The following GSG1L variants were observed in gnomAD, a reference collection of about 807,000 sequenced individuals.
GSG1L encodes germ cell-specific gene 1-like protein.
GSG1L carries 24 observed loss-of-function variants against 42.1 expected under a neutral mutation model. The observed-to-expected ratio is 0.57, with a 90% CI of 0.41 to 0.80. GSG1L has a LOEUF of 0.80. Among genes scored for constraint, GSG1L ranks in the 30% least tolerant of loss-of-function variants. The pLI is 0.00. For synonymous variants in GSG1L, 215 were observed against 203.5 expected, an observed-to-expected ratio of 1.06 and a Z score of -0.48; for missense variants, 445 against 472.2, an observed-to-expected ratio of 0.94 and a Z score of 0.53.
chr16:27,844,848 T>TGC, intron 4 of GSG1L, 102 bp downstream of exon 4: 3 of 135,614 alleles, frequency 2.2e-5, no homozygotes, highest in Non-Finnish European at 3.2e-5. Flanking sequence ...CCATTTCTCC[T>TGC]CCCCCCCACC....
intron 2 of GSG1L, among the ~76,000 whole-genome samples, chr16:27,890,917 C>T (rs1481950795): frequency 2.0e-5 from 3 of 152,192 alleles, no homozygotes; most frequent in Non-Finnish European, 2.9e-5. Context: ...TGGCAGGGGG[C>T]TGTGGAAGTG....
chr16:27,839,876 T>C (rs1644620), intron 4 of GSG1L, among the ~76,000 whole-genome samples: 51,768 of 152,164 alleles, frequency 0.34, 9,077 homozygotes, highest in East Asian at 0.45. Context: ...CAGTTCACAG[T>C]ATCCAAGGCT....
At chr16:27,914,736 G>A (rs1176892638) in intron 2 of GSG1L, among the ~76,000 whole-genome samples, 2 of 152,038 alleles carry the variant, frequency 1.3e-5, no homozygotes, top group African/African-American at 2.4e-5. Flanking sequence ...AGCCTAGCAT[G>A]TAAGTTGCAT....
intron 2 of GSG1L, among the ~76,000 whole-genome samples, chr16:27,929,911 C>T (rs2084637232): frequency 6.6e-6 from 1 of 152,120 alleles, no homozygotes; most frequent in African/African-American, 2.4e-5. Context: ...CTCCTGCCAG[C>T]ATGGGTCTCC....
At chr16:28,041,851 C>A (rs1162475016) in intron 1 of GSG1L, among the ~76,000 whole-genome samples, 1 of 152,222 alleles carries the variant, frequency 6.6e-6, no homozygotes, top group Non-Finnish European at 1.5e-5. Flanking sequence ...CAGCCTCGTG[C>A]CCTCGCTGGG....
intron 2 of GSG1L, among the ~76,000 whole-genome samples, chr16:27,916,822 A>G (rs559784766): frequency 1.3e-5 from 2 of 152,324 alleles, no homozygotes; most frequent in East Asian, 1.9e-4. Context: ...GATACATCAT[A>G]AGTGCTATAT....
At chr16:28,008,110 T>C (rs1371569636) in intron 1 of GSG1L, among the ~76,000 whole-genome samples, 3 of 151,842 alleles carry the variant, frequency 2.0e-5, no homozygotes, top group Middle Eastern at 3.2e-3. Context: ...AGAGATTGAG[T>C]CTCTTGTCAC....
At chr16:27,967,480 A>G (rs2085148407) in intron 1 of GSG1L, among the ~76,000 whole-genome samples, 1 of 152,196 alleles carries the variant, frequency 6.6e-6, no homozygotes, top group Non-Finnish European at 1.5e-5. Flanking sequence ...ACTGAGATGC[A>G]GGACTCACAC....
At chr16:27,985,990 C>T (rs1291331986) in intron 1 of GSG1L, among the ~76,000 whole-genome samples, 1 of 152,142 alleles carries the variant, frequency 6.6e-6, no homozygotes, top group Non-Finnish European at 1.5e-5. Flanking sequence ...TCTCTGTGGT[C>T]TAAAACTCTG....
At chr16:28,061,555 C>T (rs2086341984) in intron 1 of GSG1L, among the ~76,000 whole-genome samples, 1 of 152,120 alleles carries the variant, frequency 6.6e-6, no homozygotes, top group South Asian at 2.1e-4. Context: ...ATGCACCCGG[C>T]AAATGTTTAT....
rs145453650 is a variant in GSG1L, at chr16:27,828,371, A to G, written c.830+418T>C. ...ACTTGGGTGATTACATGTAGTTCCC[A>G]ACATTGAGAAGCCATCCTCCTCCTG... On this transcript the variant is annotated intron_variant, in intron 5 of 6. Coordinates refer to ENST00000447459, the MANE Select transcript of GSG1L (RefSeq NM_001109763.2). 2.7e-4 allele frequency among the ~76,000 whole-genome samples: 41 copies of G among 152,302 alleles called. No individual in the cohort carries two copies. In the East Asian group the frequency reaches 7.3e-3, roughly 27 times the overall value.
chr16:28,029,189 C>T (rs2085929899), intron 1 of GSG1L, among the ~76,000 whole-genome samples: 1 of 152,130 alleles, frequency 6.6e-6, no homozygotes, highest in South Asian at 2.1e-4. Flanking sequence ...AATACCTACC[C>T]CCAAAGAAGG....
In GSG1L at chr16:27,789,690, T is replaced by TGTTGGATG. The variant is rs1555499970; in HGVS notation, c.*1679_*1680insCATCCAAC. 7.0e-6 allele frequency: 1 copy of TGTTGGATG among 141,994 alleles called. No homozygotes were observed. The highest frequency in any genetic ancestry group is 2.4e-4 in the South Asian group (1 of 4,234). The allele number at this position is 141,994 out of a possible 1,614,324, so 8.8% of individuals were successfully genotyped here. A position where few individuals can be genotyped will look rare whatever the true frequency, so the allele number is the denominator to read the frequency against. The stretch of plus-strand genomic sequence containing the variant: ...AAAGCATAGACAATGAATGGATAGA[T>TGTTGGATG]GATGGATGGATGGATGGATGGATGG... On this transcript the variant is annotated 3_prime_UTR_variant, in exon 7 of 7. Coordinates refer to ENST00000447459, the MANE Select transcript of GSG1L (RefSeq NM_001109763.2).
chr16:27,846,601 C>T (rs1885116750), intron 3 of GSG1L, among the ~76,000 whole-genome samples: 1 of 152,202 alleles, frequency 6.6e-6, no homozygotes, highest in South Asian at 2.1e-4. Context: ...GTAAAAATTA[C>T]AGTTCACTCA....
At chr16:27,813,614 G>C (rs2083058770) in intron 5 of GSG1L, among the ~76,000 whole-genome samples, 1 of 152,218 alleles carries the variant, frequency 6.6e-6, no homozygotes, top group Non-Finnish European at 1.5e-5. Context: ...TCTGGAAAGA[G>C]CTGGTTTCCT....
intron 1 of GSG1L, among the ~76,000 whole-genome samples, chr16:27,979,739 AAG>A (rs2085301523): frequency 3.3e-5 from 3 of 89,586 alleles, no homozygotes; most frequent in Non-Finnish European, 7.4e-5. Context: ...AAGAAAAAGA[AAG>A]AAAGAAAGGA....
At chr16:28,062,232 C>T (rs1322214456) in intron 1 of GSG1L, among the ~76,000 whole-genome samples, 17 of 152,230 alleles carry the variant, frequency 1.1e-4, no homozygotes, top group Admixed American at 1.1e-3. Flanking sequence ...CACAGCCCGG[C>T]TGTCTGCCTC....
At chr16:27,966,048 A>G (rs767109449) in intron 1 of GSG1L, among the ~76,000 whole-genome samples, 3 of 152,124 alleles carry the variant, frequency 2.0e-5, no homozygotes, top group Admixed American at 6.6e-5. Flanking sequence ...CGTGCCGGGC[A>G]TTCTCCTGCC....
intron 2 of GSG1L, among the ~76,000 whole-genome samples, chr16:27,961,744 T>C (rs2085074995): frequency 6.6e-6 from 1 of 152,194 alleles, no homozygotes; most frequent in African/African-American, 2.4e-5. Flanking sequence ...GTTTTGGAGA[T>C]GGTCACATGT....
Sources: allele counts gnomAD v4.1 joint callset (sites outside exome capture counted in the v4.1 genomes callset), GRCh38; gene constraint gnomAD v4.1.1; transcripts MANE v1.5; gene names NCBI Gene and HGNC (gene_info 2026-07-23, HGNC 2026-07-21).